The following EPB41L4B variants were observed in gnomAD, a reference collection of about 807,000 sequenced individuals.
EPB41L4B encodes erythrocyte membrane protein band 4.1 like 4B.
In EPB41L4B, 30 loss-of-function variants were observed where a neutral mutation model predicts 112.5. The ratio of observed to expected loss-of-function variants is 0.27; its 90% CI spans 0.20 to 0.36. The LOEUF (loss-of-function observed/expected upper bound fraction) is 0.36, where lower values mean the gene tolerates loss of function less well. Ranked by LOEUF, EPB41L4B falls within the 10% of genes least tolerant of loss-of-function variation. EPB41L4B has a pLI of 1.00. For synonymous variants in EPB41L4B, 408 were observed against 439.7 expected (o/e 0.93, Z 0.90); for missense variants, 1,024 against 1,133.3 (o/e 0.90, Z 1.38).
At chr9:109,313,266 C>A (rs1588241184) in intron 1 of EPB41L4B, among the ~76,000 whole-genome samples, 1 of 152,162 alleles carries the variant, frequency 6.6e-6, no homozygotes, top group East Asian at 1.9e-4. Context: ...GCTCAGTAAG[C>A]CTTTGCTGAC....
chr9:109,200,203 T>C (rs1221786579), intron 20 of EPB41L4B, 33 bp downstream of exon 20: 1 of 1,554,218 alleles, frequency 6.4e-7, no homozygotes, highest in Non-Finnish European at 8.9e-7. Flanking sequence ...ATCATAGTTG[T>C]TTTAATTGAA....
intron 22 of EPB41L4B, among the ~76,000 whole-genome samples, chr9:109,186,414 T>C (rs969636079): frequency 6.6e-6 from 1 of 151,772 alleles, no homozygotes; most frequent in Admixed American, 6.6e-5. Flanking sequence ...CTCAAACTCC[T>C]GACCTCAAGT....
chr9:109,264,487 T>A (rs189083465), intron 5 of EPB41L4B, among the ~76,000 whole-genome samples: 2 of 152,318 alleles, frequency 1.3e-5, no homozygotes, highest in East Asian at 3.9e-4. Flanking sequence ...CAATGATCAC[T>A]GTGTGCTGCC....
chr9:109,280,608 C>A (rs564823048), intron 1 of EPB41L4B, among the ~76,000 whole-genome samples: 1 of 152,142 alleles, frequency 6.6e-6, no homozygotes, highest in Non-Finnish European at 1.5e-5. Context: ...AGGATACCTA[C>A]TCTCCCCACC....
chr9:109,253,405 A>G (rs1588174020), intron 12 of EPB41L4B, 36 bp downstream of exon 12: 2 of 1,462,262 alleles, frequency 1.4e-6, no homozygotes, highest in East Asian at 2.3e-5. Flanking sequence ...CTCAAGCATA[A>G]TGTAAAATTC....
intron 1 of EPB41L4B, among the ~76,000 whole-genome samples, chr9:109,290,303 G>T (rs115973442): frequency 3.5e-4 from 53 of 152,294 alleles, no homozygotes; most frequent in African/African-American, 1.3e-3. Flanking sequence ...TCTACACAAA[G>T]GAATTATTGT....
chr9:109,302,363 TTTC>T (rs772627465), intron 1 of EPB41L4B, among the ~76,000 whole-genome samples: 24 of 152,180 alleles, frequency 1.6e-4, no homozygotes, highest in Non-Finnish European at 3.1e-4. Flanking sequence ...TGTGTCCACA[TTTC>T]TTCTTCTTAG....
At chr9:109,229,491 T>A (rs538530342) in intron 15 of EPB41L4B, among the ~76,000 whole-genome samples, 1 of 152,320 alleles carries the variant, frequency 6.6e-6, no homozygotes, top group South Asian at 2.1e-4. Context: ...GAACTTGGAC[T>A]TACTCCTCAG....
At chr9:109,316,814 C>A (rs2119292544) in intron 1 of EPB41L4B, among the ~76,000 whole-genome samples, 1 of 152,284 alleles carries the variant, frequency 6.6e-6, no homozygotes, top group African/African-American at 2.4e-5. Flanking sequence ...ACTAAGAACA[C>A]CCAGGGGCCA....
At chr9:109,257,727 G>C (rs1300416538) in intron 7 of EPB41L4B, among the ~76,000 whole-genome samples, 1 of 152,204 alleles carries the variant, frequency 6.6e-6, no homozygotes, top group African/African-American at 2.4e-5. Context: ...AGGTGTGGTG[G>C]CTCCTGCCTG....
At chr9:109,297,809 A>G (rs1389129247) in intron 1 of EPB41L4B, among the ~76,000 whole-genome samples, 1 of 152,246 alleles carries the variant, frequency 6.6e-6, no homozygotes, top group African/African-American at 2.4e-5. Flanking sequence ...CATGCCTGGT[A>G]TTCTGTACAT....
intron 12 of EPB41L4B, 99 bp from the exon 13 acceptor site, chr9:109,251,610 G>T: frequency 8.8e-7 from 1 of 1,136,884 alleles, no homozygotes; most frequent in Non-Finnish European, 1.3e-6. Context: ...TACCATCACA[G>T]AGCCTTTCCA....
chr9:109,175,200 A>G (rs1193401441), intron 25 of EPB41L4B, among the ~76,000 whole-genome samples: 1 of 152,024 alleles, frequency 6.6e-6, no homozygotes, highest in Non-Finnish European at 1.5e-5. Flanking sequence ...TACAGGCATG[A>G]GCCACCAAGC....
At chr9:109,258,899 A>ACGAGTGATC (rs1835089537) in intron 6 of EPB41L4B, among the ~76,000 whole-genome samples, 1 of 152,142 alleles carries the variant, frequency 6.6e-6, no homozygotes, top group Non-Finnish European at 1.5e-5. Context: ...GAGCAGCCAC[A>ACGAGTGATC]CGAGTGATCC....
chr9:109,211,904 T>TG (rs10683465), intron 17 of EPB41L4B, among the ~76,000 whole-genome samples: 20,066 of 148,430 alleles, frequency 0.14, 1,797 homozygotes, highest in East Asian at 0.23. Flanking sequence ...ATAGTAGAGA[T>TG]GGGGGGGGTC....
At chr9:109,203,769 T>C (rs376410691) in intron 18 of EPB41L4B, 39 bp from the exon 19 acceptor site, 3 of 1,531,960 alleles carry the variant, frequency 2.0e-6, no homozygotes, top group Middle Eastern at 1.7e-4. Context: ...AAACTGAATA[T>C]GTTGGCATGC....
Position 109,194,217 on chromosome 9 carries a change from T to C in EPB41L4B, c.2223+3A>G. 6.2e-7 allele frequency: 1 copy of C among 1,613,802 alleles called. No homozygotes were observed. The highest frequency in any genetic ancestry group is 8.5e-7 in the Non-Finnish European group (1 of 1,179,758). On this transcript the variant is annotated splice_donor_region_variant and intron_variant, in intron 21 of 25. Coordinates refer to ENST00000374566, the MANE Select transcript of EPB41L4B (RefSeq NM_019114.5). ...CTCGCCAGGGCTTTCCACCCCCCAA[T>C]ACCTTGGCCCCAGGGGACAGCAGGC... is the stretch of plus-strand genomic sequence containing the variant.
chr9:109,198,330 C>G (rs1832713349), intron 20 of EPB41L4B, among the ~76,000 whole-genome samples: 1 of 152,170 alleles, frequency 6.6e-6, no homozygotes, highest in South Asian at 2.1e-4. Context: ...GGACCTCATC[C>G]TATGGCCAGG....
chr9:109,247,173 G>GTT lies in EPB41L4B; in HGVS notation c.1344+581_1344+582dup, dbSNP rs555846521. On this transcript the variant is annotated intron_variant, in intron 14 of 25. Transcript: ENST00000374566. ...ACACCACCGTGCCAGCTCAAGACTA[G>GTT]TTTTTTTTTTTTTTTTTTTAATCAG... Among the ~76,000 whole-genome samples, 235 of 129,152 alleles carry GTT rather than the reference G, an allele frequency of 1.8e-3. 1 individual carries two copies. Among genetic ancestry groups the GTT allele is most frequent in the African/African-American group, 5.7e-3 (203 of 35,316 alleles). 84.7% of individuals were successfully genotyped at this position (129,152 alleles called of 152,430 possible).
Sources: gnomAD v4.1 joint callset for allele counts (sites outside exome capture counted in the v4.1 genomes callset) on GRCh38, gnomAD v4.1.1 for gene constraint, MANE v1.5 for transcripts, NCBI Gene and HGNC (gene_info 2026-07-23, HGNC 2026-07-21) for gene names.